Variants in NEK11 observed in about 807,000 individuals in gnomAD.
NEK11 encodes serine/threonine-protein kinase Nek11.
NEK11 carries 72 observed loss-of-function variants against 80.7 expected under a neutral mutation model. That is an observed-to-expected ratio of 0.89 (90% confidence interval 0.74 to 1.08). The LOEUF (loss-of-function observed/expected upper bound fraction) is 1.08. Among genes scored for constraint, NEK11 ranks in the 50% least tolerant of loss-of-function variants. The pLI, the probability that NEK11 is intolerant of heterozygous loss-of-function variation, is 0.00. For synonymous variants in NEK11, 251 were observed against 260.7 expected (o/e 0.96, Z 0.36); for missense variants, 764 against 763.6 (o/e 1.00, Z -0.01).
intron 14 of NEK11, among the ~76,000 whole-genome samples, chr3:131,226,032 T>C (rs955318159): frequency 2.0e-5 from 3 of 151,838 alleles, no homozygotes; most frequent in Non-Finnish European, 4.4e-5. Flanking sequence ...AAAATATGAA[T>C]GAGTGAGAGA....
intron 14 of NEK11, among the ~76,000 whole-genome samples, chr3:131,187,108 C>A (rs780030485): frequency 6.6e-6 from 1 of 152,128 alleles, no homozygotes; most frequent in East Asian, 1.9e-4. Context: ...ACACTGAAAG[C>A]AATTTGTCTA....
chr3:131,250,990 G>T (rs1580881571), intron 16 of NEK11, among the ~76,000 whole-genome samples: 1 of 151,846 alleles, frequency 6.6e-6, no homozygotes, highest in Non-Finnish European at 1.5e-5. Context: ...TTTTAAATGT[G>T]ATGTAACTAT....
Position 131,036,161 on chromosome 3 carries a change from C to T in NEK11, c.170+6283C>T, listed in dbSNP as rs891473586. 7.2e-5 allele frequency among the ~76,000 whole-genome samples: 11 copies of T among 152,338 alleles called. No homozygotes were observed. The South Asian group carries it at 2.3e-3, about 32-fold the overall frequency. ...GAGATAGGAAGAGAAGGAGACTTCA[C>T]TTTTCACTGAACCCTTTCTGTGCAT... On this transcript the variant is annotated intron_variant, in intron 3 of 17. Coordinates refer to ENST00000383366, the MANE Select transcript of NEK11 (RefSeq NM_024800.5).
intron 4 of NEK11, among the ~76,000 whole-genome samples, chr3:131,099,579 TTGATTCTTCCAATCCATAAGTATG>T: frequency 6.6e-6 from 1 of 152,324 alleles, no homozygotes; most frequent in East Asian, 1.9e-4. Context: ...TTTAACAGTA[TTGATTCTTCCAATCCATAAGTATG>T]GAATGTTTTT....
intron 17 of NEK11, among the ~76,000 whole-genome samples, chr3:131,298,177 G>A (rs2096620306): frequency 6.8e-6 from 1 of 147,194 alleles, no homozygotes; most frequent in East Asian, 2.0e-4. Flanking sequence ...GAACTTTAAA[G>A]TAGTTTTTTT....
intron 9 of NEK11, among the ~76,000 whole-genome samples, chr3:131,152,912 C>T (rs971153545): frequency 1.2e-4 from 18 of 152,104 alleles, no homozygotes; most frequent in East Asian, 9.7e-4. Flanking sequence ...AGTGAAACCC[C>T]GTCTCTACTA....
intron 3 of NEK11, among the ~76,000 whole-genome samples, chr3:131,059,395 A>C (rs1249698506): frequency 6.6e-6 from 1 of 152,194 alleles, no homozygotes; most frequent in Non-Finnish European, 1.5e-5. Context: ...TGTTTTACAC[A>C]TATTTTTGAT....
chr3:131,202,606 A>T (rs1161376634), intron 14 of NEK11, among the ~76,000 whole-genome samples: 2 of 152,244 alleles, frequency 1.3e-5, no homozygotes, highest in Non-Finnish European at 2.9e-5. Context: ...GAGCTTCTGC[A>T]CAGCAAAAGA....
intron 4 of NEK11, among the ~76,000 whole-genome samples, chr3:131,083,824 A>G (rs1158701638): frequency 1.3e-5 from 2 of 152,202 alleles, no homozygotes; most frequent in African/African-American, 4.8e-5. Flanking sequence ...GATTTAACCA[A>G]ATCTTTGATG....
chr3:131,273,644 G>A, intron 17 of NEK11, 70 bp downstream of exon 17: 3 of 1,139,874 alleles, frequency 2.6e-6, no homozygotes, highest in Non-Finnish European at 4.0e-6. Context: ...GTGTGACCCA[G>A]TCATGTGATA....
intron 14 of NEK11, among the ~76,000 whole-genome samples, chr3:131,200,690 C>T (rs932027600): frequency 1.3e-5 from 2 of 152,178 alleles, no homozygotes; most frequent in Admixed American, 6.5e-5. Flanking sequence ...CTCAAGCCCC[C>T]CTGTAGTTCT....
intron 17 of NEK11, among the ~76,000 whole-genome samples, chr3:131,320,760 C>T (rs757164956): frequency 1.5e-4 from 23 of 151,734 alleles, no homozygotes; most frequent in Non-Finnish European, 2.9e-4. Context: ...AATAGCGAGA[C>T]AAAAAATAAA....
At chr3:131,199,546 A>T (rs187845840) in intron 14 of NEK11, among the ~76,000 whole-genome samples, 9 of 152,202 alleles carry the variant, frequency 5.9e-5, no homozygotes, top group African/African-American at 1.9e-4. Flanking sequence ...ACAGTTTTTT[A>T]AAAAATATCA....
At chr3:131,272,100 C>CA (rs1479795882) in intron 16 of NEK11, among the ~76,000 whole-genome samples, 4 of 151,460 alleles carry the variant, frequency 2.6e-5, no homozygotes, top group Non-Finnish European at 5.9e-5. Flanking sequence ...AACTCCGTCT[C>CA]AAAAAAAAGA....
intron 15 of NEK11, among the ~76,000 whole-genome samples, chr3:131,230,197 T>C (rs2095303618): frequency 6.6e-6 from 1 of 152,198 alleles, no homozygotes; most frequent in African/African-American, 2.4e-5. Context: ...AAAACAGATT[T>C]AGAACCACAT....
chr3:131,107,798 C>A (rs1271099741), intron 4 of NEK11, among the ~76,000 whole-genome samples: 2 of 152,082 alleles, frequency 1.3e-5, no homozygotes, highest in Non-Finnish European at 2.9e-5. Flanking sequence ...CAAGGGTCAA[C>A]TGTATGTTTA....
chr3:131,198,986 C>T lies in NEK11; in HGVS notation c.1399+28099C>T, dbSNP rs140765249. Among the ~76,000 whole-genome samples, 562 of 152,276 alleles carry T rather than the reference C, an allele frequency of 3.7e-3. 1 individual carries two copies. The highest frequency in any genetic ancestry group is 6.8e-3 in the Middle Eastern group (2 of 294). On this transcript the variant is annotated intron_variant, in intron 14 of 17. Coordinates refer to ENST00000383366, the MANE Select transcript of NEK11 (RefSeq NM_024800.5). ...AGGACAAGCCAGTATAGGCTGGATA[C>T]GTTCCTCACTGAGTGCCCTGGTGCC...
intron 14 of NEK11, among the ~76,000 whole-genome samples, chr3:131,222,666 T>C (rs930530726): frequency 6.6e-6 from 1 of 152,248 alleles, no homozygotes; most frequent in Non-Finnish European, 1.5e-5. Flanking sequence ...TTATAGTGTA[T>C]ACTCTTATTT....
chr3:131,168,094 C>T (rs977623085), intron 12 of NEK11, among the ~76,000 whole-genome samples: 1 of 152,184 alleles, frequency 6.6e-6, no homozygotes, highest in African/African-American at 2.4e-5. Context: ...GGCATCCTGC[C>T]CTCTTTTGTG....
Sources: gnomAD v4.1 joint callset for allele counts (sites outside exome capture counted in the v4.1 genomes callset) on GRCh38, gnomAD v4.1.1 for gene constraint, MANE v1.5 for transcripts, NCBI Gene and HGNC (gene_info 2026-07-23, HGNC 2026-07-21) for gene names.